CFDP1: variants seen among roughly 807,000 people sequenced by gnomAD.
CFDP1 encodes heterochromatin-stabilizing protein CFDP1.
Under a neutral mutation model 40.1 loss-of-function variants are expected in CFDP1, and 31 were observed. The observed-to-expected ratio is 0.77, with a 90% confidence interval of 0.58 to 1.04. CFDP1 has a LOEUF of 1.04. Ranked by LOEUF, CFDP1 falls within the 50% of genes least tolerant of loss-of-function variation. The probability of loss-of-function intolerance (pLI) is 0.00; values close to 1 mark genes in which losing one functional copy is unlikely to be tolerated. For missense variants in CFDP1, 423 were observed against 343.4 expected (o/e 1.23, Z -1.83); for synonymous variants, 167 against 120.0 (o/e 1.39, Z -2.56).
intron 4 of CFDP1, among the ~76,000 whole-genome samples, chr16:75,401,038 G>T (rs2079047639): frequency 6.6e-6 from 1 of 152,178 alleles, no homozygotes; most frequent in Admixed American, 6.5e-5. Context: ...GCTCACACCT[G>T]TAATCCCAGC....
At chr16:75,309,392 T>C (rs1183201404) in intron 5 of CFDP1, among the ~76,000 whole-genome samples, 2 of 151,706 alleles carry the variant, frequency 1.3e-5, no homozygotes, top group East Asian at 3.9e-4. Flanking sequence ...AAAAGCCTAC[T>C]TCAGCCACGC....
chr16:75,420,950 A>T (rs2079272207), intron 1 of CFDP1, among the ~76,000 whole-genome samples: 1 of 152,250 alleles, frequency 6.6e-6, no homozygotes, highest in African/African-American at 2.4e-5. Flanking sequence ...TCATAAAAAC[A>T]GGCAAATGTT....
At chr16:75,349,799 G>C (rs190292001) in intron 5 of CFDP1, among the ~76,000 whole-genome samples, 1 of 145,374 alleles carries the variant, frequency 6.9e-6, no homozygotes, top group African/African-American at 2.5e-5. Flanking sequence ...GATTGCTTAG[G>C]ATTTTCTCCA....
chr16:75,338,974 C>T (rs1181931588), intron 5 of CFDP1, among the ~76,000 whole-genome samples: 1 of 152,108 alleles, frequency 6.6e-6, no homozygotes, highest in Non-Finnish European at 1.5e-5. Flanking sequence ...CAATTTGAGT[C>T]TTCTTAAACT....
At position 75,396,579 on chromosome 16, in the gene CFDP1, C is replaced by G. The variant is rs1204003030; in HGVS notation, c.531-1370G>C. Among the ~76,000 whole-genome samples the G allele has an allele frequency of 2.9e-5, 3 of 103,092 alleles. 1 individual carries two copies. The highest frequency in any genetic ancestry group is 8.6e-5 in the African/African-American group (3 of 34,688). The allele number at this position is 103,092 out of a possible 152,430, so 67.6% of individuals were successfully genotyped here. A position where few individuals can be genotyped will look rare whatever the true frequency, so the allele number is the denominator to read the frequency against. On this transcript the variant is annotated intron_variant, in intron 4 of 6. Transcript: ENST00000283882. ...AATTGAGAAGACTCTGCAGAAGGCT[C>G]CTGTTTTATATCCAAAACAACCCAA...
chr16:75,433,025 G>A (rs901052675), intron 1 of CFDP1, among the ~76,000 whole-genome samples: 3 of 152,206 alleles, frequency 2.0e-5, no homozygotes, highest in Non-Finnish European at 2.9e-5. Flanking sequence ...AGCGACAAGG[G>A]GCCGTGTCCA....
intron 4 of CFDP1, 49 bp from the exon 5 acceptor site, chr16:75,395,258 G>C: frequency 1.3e-6 from 2 of 1,594,142 alleles, no homozygotes; most frequent in African/African-American, 2.7e-5. Context: ...TAAAGAGAAA[G>C]AAACAAGCTA....
intron 5 of CFDP1, among the ~76,000 whole-genome samples, chr16:75,352,045 T>C (rs1278306238): frequency 9.3e-6 from 1 of 107,324 alleles, no homozygotes; most frequent in African/African-American, 3.9e-5. Context: ...AAAAGGTAAA[T>C]GAAAGAATTT....
intron 5 of CFDP1, among the ~76,000 whole-genome samples, chr16:75,364,484 T>C (rs1464888835): frequency 6.6e-6 from 1 of 152,188 alleles, no homozygotes; most frequent in Non-Finnish European, 1.5e-5. Context: ...GAAGACATTA[T>C]TTGCCTTCTT....
intron 4 of CFDP1, among the ~76,000 whole-genome samples, chr16:75,399,039 A>G (rs908059362): frequency 1.4e-5 from 2 of 143,594 alleles, no homozygotes; most frequent in African/African-American, 5.2e-5. Context: ...CCTGGGAGAC[A>G]GAGCGAGACT....
intron 5 of CFDP1, among the ~76,000 whole-genome samples, chr16:75,367,548 TG>T (rs1478853213): frequency 1.3e-5 from 2 of 151,786 alleles, no homozygotes; most frequent in East Asian, 3.9e-4. Context: ...ATCCCAACAC[TG>T]TGGGAGGTCG....
At chr16:75,410,136 T>A (rs758290731) in intron 4 of CFDP1, among the ~76,000 whole-genome samples, 56 of 149,112 alleles carry the variant, frequency 3.8e-4, no homozygotes, top group Admixed American at 5.3e-4. Flanking sequence ...AAATATAGCT[T>A]CACTAGATAA....
chr16:75,392,776 C>A (rs1236390833), intron 5 of CFDP1, among the ~76,000 whole-genome samples: 1 of 152,196 alleles, frequency 6.6e-6, no homozygotes, highest in Non-Finnish European at 1.5e-5. Flanking sequence ...TTGATTATTC[C>A]AAACCACAGC....
intron 5 of CFDP1, among the ~76,000 whole-genome samples, chr16:75,381,727 T>G (rs181026717): frequency 6.6e-6 from 1 of 152,164 alleles, no homozygotes; most frequent in Admixed American, 6.5e-5. Context: ...ACTGGACCAG[T>G]TGTGGAGTCA....
chr16:75,327,766 C>G (rs1414865253), intron 5 of CFDP1, among the ~76,000 whole-genome samples: 1 of 152,148 alleles, frequency 6.6e-6, no homozygotes, highest in African/African-American at 2.4e-5. Flanking sequence ...TCTTGTCGCC[C>G]AGGCTGGAGT....
chr16:75,428,524 G>A (rs1246403280), intron 1 of CFDP1, among the ~76,000 whole-genome samples: 1 of 152,088 alleles, frequency 6.6e-6, no homozygotes, highest in Non-Finnish European at 1.5e-5. Flanking sequence ...GGCTGAGGCA[G>A]GGGAATCGCT....
chr16:75,334,874 G>A (rs1167486102), intron 5 of CFDP1, among the ~76,000 whole-genome samples: 1 of 151,938 alleles, frequency 6.6e-6, no homozygotes, highest in East Asian at 1.9e-4. Flanking sequence ...AGAATCGTTT[G>A]AACCCCGGAG....
At chr16:75,423,757 G>A (rs1007154621) in intron 1 of CFDP1, among the ~76,000 whole-genome samples, 3 of 152,222 alleles carry the variant, frequency 2.0e-5, no homozygotes, top group African/African-American at 4.8e-5. Flanking sequence ...CTTGAGATCC[G>A]CCCACCTCGG....
rs58187867 is a variant in CFDP1 at position 75,427,050 on chromosome 16, CAA to C, written c.64+6237_64+6238del. Among the ~76,000 whole-genome samples the C allele has an allele frequency of 5.0e-3, 675 of 134,140 alleles. 30 individuals carry two copies. In the East Asian group the frequency reaches 0.12, roughly 24 times the overall value. The allele number at this position is 134,140 out of a possible 152,430, so 88.0% of individuals were successfully genotyped here. A position where few individuals can be genotyped will look rare whatever the true frequency, so the allele number is the denominator to read the frequency against. On this transcript the variant is annotated intron_variant, in intron 1 of 6. Transcript: ENST00000283882. ...AGCCTGGGGGACAGCGAGACTGTCT[CAA>C]AAAAAAAAAAACAAAACAAATATCT...
Sources: gnomAD v4.1 joint callset for allele counts (sites outside exome capture counted in the v4.1 genomes callset) on GRCh38, gnomAD v4.1.1 for gene constraint, MANE v1.5 for transcripts, NCBI Gene and HGNC (gene_info 2026-07-23, HGNC 2026-07-21) for gene names.